Variants in TRIM42 observed in about 807,000 individuals in gnomAD.
The protein encoded by TRIM42 is tripartite motif-containing protein 42.
A neutral mutation model predicts 64.9 loss-of-function variants in TRIM42; 59 were observed. The ratio of observed to expected loss-of-function variants is 0.91; its 90% CI spans 0.74 to 1.13. The LOEUF is 1.13. Among genes scored for constraint, TRIM42 ranks in the 50% most tolerant of loss-of-function variants. The pLI is 0.00. For missense variants in TRIM42, 878 were observed against 929.5 expected (o/e 0.94, Z 0.72); for synonymous variants, 354 against 346.3 (o/e 1.02, Z -0.25).
chr3:140,679,544 A>C (rs1341189247), intron 1 of TRIM42, among the ~76,000 whole-genome samples: 1 of 152,216 alleles, frequency 6.6e-6, no homozygotes, highest in African/African-American at 2.4e-5. Context: ...AATTCAGGGG[A>C]AAGATATTAT....
intron 3 of TRIM42, among the ~76,000 whole-genome samples, chr3:140,689,135 A>C (rs1988641828): frequency 6.6e-6 from 1 of 152,332 alleles, no homozygotes; most frequent in African/African-American, 2.4e-5. Flanking sequence ...GCCTGGCCTC[A>C]AGGGACATGA....
At position 140,688,302 on chromosome 3, in the gene TRIM42, G is replaced by A. The variant is rs1988610169; in HGVS notation, c.1620G>A (p.Leu540=). ...TATACCAGCGAAGCTCCTCCATGTT[G>A]TCCTTCAGCAACACTGACAAGAAGG... is the stretch of plus-strand genomic sequence containing the variant. ...QHIYQRSSSM[L]SFSNTDKKAK... is the part of the protein sequence containing the mutation. The change falls in exon 3 of 5, where the codon TTG becomes TTA. Residue 540 remains leucine (L), a synonymous_variant. Transcript: ENST00000286349. 1 of 1,614,038 alleles carries A rather than the reference G, an allele frequency of 6.2e-7. No homozygotes were observed. The highest frequency in any genetic ancestry group is 1.1e-5 in the South Asian group (1 of 91,076).
chr3:140,694,190 A>C (rs1988793632), intron 4 of TRIM42, among the ~76,000 whole-genome samples: 1 of 152,148 alleles, frequency 6.6e-6, no homozygotes, highest in Admixed American at 6.5e-5. Context: ...CAGCAGGGAG[A>C]GCTGAACTTT....
chr3:140,692,367 G>A (rs1310170002), intron 4 of TRIM42, among the ~76,000 whole-genome samples: 1 of 152,118 alleles, frequency 6.6e-6, no homozygotes, highest in Non-Finnish European at 1.5e-5. Context: ...AAGAATCCGA[G>A]TGGTTGCTAC....
At chr3:140,683,864 G>A (rs535615980) in intron 2 of TRIM42, among the ~76,000 whole-genome samples, 1 of 152,260 alleles carries the variant, frequency 6.6e-6, no homozygotes, top group African/African-American at 2.4e-5. Context: ...ATTGCTTTAA[G>A]TGAAATAATA....
Position 140,688,473 on chromosome 3 carries a change from C to T in TRIM42, c.1791C>T (p.Asn597=), listed in dbSNP as rs1021590216. Residue 597 remains asparagine, a synonymous_variant, in exon 3 of 5, where the codon AAC becomes AAT. Transcript: ENST00000286349. ...GCTTCCACAACTGGTACTCATTCAA[C>T]GATGGCTCTGTGAAGACCCCAGGCC... is the stretch of plus-strand genomic sequence containing the variant. ...SSSFHNWYSF[N]DGSVKTPGPI... The T allele has an allele frequency of 2.5e-6, 4 of 1,614,168 alleles. No individual in the cohort carries two copies. The highest frequency in any genetic ancestry group is 3.4e-6 in the Non-Finnish European group (4 of 1,180,020).
At chr3:140,681,631 T>C (rs1988396414) in intron 1 of TRIM42, among the ~76,000 whole-genome samples, 3 of 138,562 alleles carry the variant, frequency 2.2e-5, no homozygotes, top group African/African-American at 7.8e-5. Flanking sequence ...CAATAAATAA[T>C]GTCAATGTCC....
intron 2 of TRIM42, among the ~76,000 whole-genome samples, chr3:140,686,209 T>C (rs1355347265): frequency 1.3e-5 from 2 of 152,218 alleles, no homozygotes; most frequent in Admixed American, 6.5e-5. Context: ...AGGTAACTAT[T>C]GAATAGTCAA....
intron 4 of TRIM42, among the ~76,000 whole-genome samples, chr3:140,693,233 A>T (rs1203822852): frequency 6.6e-6 from 1 of 152,274 alleles, no homozygotes; most frequent in Non-Finnish European, 1.5e-5. Context: ...TAAGTGTTTT[A>T]TACAGTCAAA....
intron 4 of TRIM42, among the ~76,000 whole-genome samples, chr3:140,697,877 A>G (rs1411617389): frequency 6.6e-6 from 1 of 151,888 alleles, no homozygotes; most frequent in Non-Finnish European, 1.5e-5. Context: ...TAGACACGGG[A>G]TTTCACCGTG....
chr3:140,695,289 C>T (rs910827061), intron 4 of TRIM42, among the ~76,000 whole-genome samples: 2 of 152,014 alleles, frequency 1.3e-5, no homozygotes, highest in African/African-American at 4.8e-5. Flanking sequence ...ACCTTAATTC[C>T]CCTTTGCTAT....
At chr3:140,685,708 G>T (rs1034355737) in intron 2 of TRIM42, among the ~76,000 whole-genome samples, 2 of 152,046 alleles carry the variant, frequency 1.3e-5, no homozygotes, top group Non-Finnish European at 2.9e-5. Context: ...ACTCAGAGAG[G>T]GCTGAGAGCC....
rs376921841 is a variant in TRIM42, at chr3:140,678,201, G to C, written c.-29G>C. 3 of 1,590,858 alleles carry C rather than the reference G, an allele frequency of 1.9e-6. No individual in the cohort carries two copies. Among genetic ancestry groups the C allele is most frequent in the Non-Finnish European group, 2.6e-6 (3 of 1,162,538 alleles). On this transcript the variant is annotated 5_prime_UTR_variant, in exon 1 of 5. Transcript: ENST00000286349. ...TGGTAGAGGAGGCATCAAGAGTCCT[G>C]GGAGGCCGGTGGTAATCATGTAGGC... is the stretch of plus-strand genomic sequence containing the variant.
intron 1 of TRIM42, among the ~76,000 whole-genome samples, chr3:140,681,489 G>C (rs1194548203): frequency 6.6e-6 from 1 of 152,150 alleles, no homozygotes; most frequent in South Asian, 2.1e-4. Flanking sequence ...CTGTAAAGTG[G>C]TGCATTTTTT....
At position 140,698,909 on chromosome 3, in the gene TRIM42, C is replaced by T. The variant is rs566484262; in HGVS notation, c.2086-1979C>T. Among the ~76,000 whole-genome samples the T allele has an allele frequency of 3.3e-5, 5 of 152,276 alleles. No homozygotes were observed. In the South Asian group the frequency reaches 6.2e-4, roughly 19 times the overall value. On this transcript the variant is annotated intron_variant, in intron 4 of 4. Coordinates refer to ENST00000286349, the MANE Select transcript of TRIM42 (RefSeq NM_152616.5). Reference sequence around the variant, plus strand: ...GCTTTGGCCAGAACCTTGAGTCATACATAAAATTGTGGCAGTGTTAGTAGA... The same window carrying T: ...GCTTTGGCCAGAACCTTGAGTCATATATAAAATTGTGGCAGTGTTAGTAGA...
At chr3:140,695,431 C>A (rs1017624732) in intron 4 of TRIM42, among the ~76,000 whole-genome samples, 12 of 152,032 alleles carry the variant, frequency 7.9e-5, no homozygotes, top group African/African-American at 2.9e-4. Context: ...AAATTCAAGC[C>A]CAACAATAGT....
In TRIM42 at chr3:140,688,096, A is replaced by G; in HGVS notation, c.1414A>G (p.Ile472Val). 1.2e-6 allele frequency: 2 copies of G among 1,614,028 alleles called. No homozygotes were observed. Among genetic ancestry groups the G allele is most frequent in the South Asian group, 1.1e-5 (1 of 91,080 alleles). ...RPDPQLRLHSINYVPLDFVEL... is the reference protein window; with the variant it reads ...RPDPQLRLHSVNYVPLDFVEL... ...TGACCCACAGCTCCGGCTGCACTCA[A>G]TAAACTACGTGCCCTTGGACTTTGT... is the stretch of plus-strand genomic sequence containing the variant. Residue 472 changes from isoleucine to valine, a missense_variant, in exon 3 of 5, where the codon ATA (isoleucine) becomes GTA (valine). Physicochemically the swap from Ile to Val is conservative, Grantham distance 29 (BLOSUM62 3). Coordinates refer to ENST00000286349, the MANE Select transcript of TRIM42 (RefSeq NM_152616.5).
At chr3:140,688,583 TG>T in intron 3 of TRIM42, 41 bp downstream of exon 3, 1 of 1,523,136 alleles carries the variant, frequency 6.6e-7, no homozygotes. Flanking sequence ...TGGGAGGGTG[TG>T]GGGCACAGAG....
intron 1 of TRIM42, among the ~76,000 whole-genome samples, chr3:140,679,801 T>C (rs573551642): frequency 6.6e-6 from 1 of 152,234 alleles, no homozygotes; most frequent in East Asian, 1.9e-4. Context: ...GAAAATGCCT[T>C]AGGCTCAGTA....
Sources: allele counts gnomAD v4.1 joint callset (sites outside exome capture counted in the v4.1 genomes callset), GRCh38; gene constraint gnomAD v4.1.1; transcripts MANE v1.5; gene names NCBI Gene and HGNC (gene_info 2026-07-23, HGNC 2026-07-21).